Variants in TMCO5A observed in about 807,000 individuals in gnomAD.
TMCO5A encodes the protein transmembrane and coiled-coil domains 5A.
In TMCO5A, 34 loss-of-function variants were observed where a neutral mutation model predicts 42.3. The ratio of observed to expected loss-of-function variants is 0.80; its 90% CI spans 0.61 to 1.07. TMCO5A has a LOEUF of 1.07. Ranked by LOEUF, TMCO5A falls within the 50% of genes least tolerant of loss-of-function variation. The probability of loss-of-function intolerance (pLI) is 0.00; values close to 1 mark genes in which losing one functional copy is unlikely to be tolerated. For missense variants in TMCO5A, 357 were observed against 327.9 expected (o/e 1.09, Z -0.69); for synonymous variants, 131 against 115.6 (o/e 1.13, Z -0.86).
chr15:37,949,512 T>C (rs1321089558), intron 11 of TMCO5A, among the ~76,000 whole-genome samples: 2 of 151,912 alleles, frequency 1.3e-5, no homozygotes, highest in Non-Finnish European at 1.5e-5. Context: ...AACTGCCTAG[T>C]GGAATGGAAG....
the TMCO5A span, among the ~76,000 whole-genome samples, chr15:37,998,523 A>G: frequency 6.6e-6 from 1 of 151,958 alleles, no homozygotes; most frequent in African/African-American, 2.4e-5. Context: ...GTATGGATAT[A>G]TTTCTGGGGT....
At chr15:37,989,360 T>C in the TMCO5A span, among the ~76,000 whole-genome samples, 1 of 151,974 alleles carries the variant, frequency 6.6e-6, no homozygotes, top group East Asian at 1.9e-4. Flanking sequence ...GTTCAGTGTG[T>C]TCTTTTTTTA....
chr15:38,036,510 A>G, the TMCO5A span, among the ~76,000 whole-genome samples: 7 of 151,668 alleles, frequency 4.6e-5, no homozygotes, highest in African/African-American at 1.7e-4. Context: ...ACACACACAC[A>G]CACACACACA....
chr15:38,008,133 G>A, the TMCO5A span, among the ~76,000 whole-genome samples: 1 of 151,806 alleles, frequency 6.6e-6, no homozygotes, highest in East Asian at 2.0e-4. Context: ...CTGACCTCGT[G>A]ATCTGCCCAC....
At chr15:38,003,148 G>A in the TMCO5A span, among the ~76,000 whole-genome samples, 2,444 of 152,214 alleles carry the variant, frequency 0.016, 47 homozygotes, top group African/African-American at 0.053. Flanking sequence ...GATGTCTTGA[G>A]TGAGACCTGA....
intron 5 of TMCO5A, among the ~76,000 whole-genome samples, chr15:37,937,767 T>A (rs1023116028): frequency 1.3e-5 from 2 of 152,124 alleles, no homozygotes; most frequent in Non-Finnish European, 2.9e-5. Flanking sequence ...ATTAACTTAA[T>A]CCCCAAGGAT....
In TMCO5A at chr15:37,938,213, C is replaced by A; in HGVS notation, c.371C>A (p.Ala124Asp). 6.3e-7 allele frequency: 1 copy of A among 1,575,620 alleles called. No individual in the cohort carries two copies. The highest frequency in any genetic ancestry group is 8.6e-7 in the Non-Finnish European group (1 of 1,160,578). The change falls in exon 6 of 12, where the codon GCC becomes GAC. Residue 124 changes from alanine to aspartate, a missense_variant. By Grantham distance (126) the Ala-to-Asp change is moderately radical (BLOSUM62 -2). Transcript: ENST00000319669. ...TGTGAACAAAGCAGTCCAGATGGAG[C>A]CCTAGAAGAGACAAAGGTAAATGAA... ...TNCEQSSPDGALEETKVKLQQ... is the reference protein window; with the variant it reads ...TNCEQSSPDGDLEETKVKLQQ...
At position 37,966,511 on chromosome 15, in the gene TMCO5A, G is replaced by C. The variant is rs757656934; in HGVS notation, c.669-114G>C. ...CCCCATAAATATACACACCTACTAT[G>C]TACCCACAAAATTTTTTTCAGTGCG... On this transcript the variant is annotated intron_variant, in intron 11 of 11. Transcript: ENST00000559502. 57 of 697,118 alleles carry C rather than the reference G, an allele frequency of 8.2e-5. 1 individual carries two copies. Among genetic ancestry groups the C allele is most frequent in the Non-Finnish European group, 1.3e-4 (49 of 382,330 alleles). 43.2% of individuals were successfully genotyped at this position (697,118 alleles called of 1,614,324 possible).
At chr15:37,977,880 G>T in the TMCO5A span, among the ~76,000 whole-genome samples, 3,315 of 152,296 alleles carry the variant, frequency 0.022, 138 homozygotes, top group African/African-American at 0.077. Context: ...GGCTTAACCT[G>T]GGGGCCCTGT....
intron 11 of TMCO5A, among the ~76,000 whole-genome samples, 154 bp downstream of exon 11, chr15:37,947,850 G>A (rs1443468325): frequency 1.3e-5 from 2 of 152,014 alleles, no homozygotes; most frequent in Non-Finnish European, 2.9e-5. Context: ...GTCTTTGACT[G>A]TATTTCTCAA....
the TMCO5A span, among the ~76,000 whole-genome samples, chr15:38,025,189 G>C: frequency 6.6e-6 from 1 of 151,842 alleles, no homozygotes; most frequent in East Asian, 1.9e-4. Flanking sequence ...GTGTGTGTGT[G>C]TGTGTGTGTG....
intron 11 of TMCO5A, among the ~76,000 whole-genome samples, chr15:37,956,937 G>T (rs146995632): frequency 0.016 from 2,425 of 151,998 alleles, 70 homozygotes; most frequent in African/African-American, 0.055. Flanking sequence ...TGGTTCAACG[G>T]ATGCCAATCA....
the TMCO5A span, among the ~76,000 whole-genome samples, chr15:37,998,501 T>A: frequency 6.6e-6 from 1 of 152,164 alleles, no homozygotes; most frequent in Non-Finnish European, 1.5e-5. Flanking sequence ...CAAAAATGAG[T>A]TCACTGTAGA....
the TMCO5A span, among the ~76,000 whole-genome samples, chr15:38,013,888 T>G: frequency 1.3e-5 from 2 of 152,196 alleles, no homozygotes; most frequent in African/African-American, 4.8e-5. Context: ...GCTGCATTCC[T>G]TCTGCAGGCT....
In TMCO5A at chr15:37,938,225, C is replaced by A; in HGVS notation, c.383C>A (p.Thr128Lys). Residue 128 changes from threonine to lysine, a missense_variant, in exon 6 of 12, where the codon ACA becomes AAA. Physicochemically the swap from Thr to Lys is moderately conservative, Grantham distance 78. Transcript: ENST00000319669. ...QSSPDGALEE[T>K]KVKLQQLEAS... The stretch of plus-strand genomic sequence containing the variant: ...AGTCCAGATGGAGCCCTAGAAGAGA[C>A]AAAGGTAAATGAAAAAAACAATCCT... 2 of 1,554,536 alleles carry A rather than the reference C, an allele frequency of 1.3e-6. No individual in the cohort carries two copies. The highest frequency in any genetic ancestry group is 1.7e-6 in the Non-Finnish European group (2 of 1,153,988).
chr15:37,950,106 C>T (rs1361378183), intron 11 of TMCO5A, among the ~76,000 whole-genome samples: 1 of 152,152 alleles, frequency 6.6e-6, no homozygotes, highest in Non-Finnish European at 1.5e-5. Context: ...ATGGTGTAAT[C>T]TAGGAAGCTG....
At chr15:37,989,739 C>A in the TMCO5A span, among the ~76,000 whole-genome samples, 1 of 152,106 alleles carries the variant, frequency 6.6e-6, no homozygotes, top group Admixed American at 6.6e-5. Flanking sequence ...GTGGGAAGTC[C>A]AATATCAAGG....
chr15:37,981,732 G>C, the TMCO5A span, among the ~76,000 whole-genome samples: 1 of 152,186 alleles, frequency 6.6e-6, no homozygotes, highest in African/African-American at 2.4e-5. Context: ...TGCAGACCTG[G>C]GAAGGTAACA....
chr15:37,978,713 G>A, the TMCO5A span, among the ~76,000 whole-genome samples: 1 of 152,204 alleles, frequency 6.6e-6, no homozygotes, highest in South Asian at 2.1e-4. Context: ...TGTTGTGCTG[G>A]GTTGCCCCGT....
Sources: allele counts gnomAD v4.1 joint callset (sites outside exome capture counted in the v4.1 genomes callset), GRCh38; gene constraint gnomAD v4.1.1; transcripts MANE v1.5; gene names NCBI Gene and HGNC (gene_info 2026-07-23, HGNC 2026-07-21).